The following BRD10 variants were observed in gnomAD, a reference collection of about 807,000 sequenced individuals.
BRD10 encodes the protein bromodomain containing 10, also known as uncharacterized bromodomain-containing protein 10.
the BRD10 span, among the ~76,000 whole-genome samples, chr9:5,993,312 TAAAAAAA>T: frequency 5.9e-4 from 69 of 116,686 alleles, no homozygotes; most frequent in African/African-American, 2.5e-3. Flanking sequence ...GAGACTCCAT[TAAAAAAA>T]AAAAAAAAAA....
At chr9:5,901,245 C>T in the BRD10 span, among the ~76,000 whole-genome samples, 1 of 152,046 alleles carries the variant, frequency 6.6e-6, no homozygotes, top group African/African-American at 2.4e-5. Flanking sequence ...TTATTTGCAA[C>T]TTCCAGTATG....
chr9:5,989,235 TAAAAAAAAAAAAAAA>T, the BRD10 span, among the ~76,000 whole-genome samples: 1 of 46,164 alleles, frequency 2.2e-5, no homozygotes, highest in East Asian at 7.6e-4. Flanking sequence ...TCTGTCTCAT[TAAAAAAAAAAAAAAA>T]AAAAAAAAAA....
At chr9:5,907,530 A>G in the BRD10 span, among the ~76,000 whole-genome samples, 2 of 152,262 alleles carry the variant, frequency 1.3e-5, no homozygotes, top group East Asian at 1.9e-4. Context: ...AAAAGAAGAT[A>G]AATGGTTCAT....
chr9:5,971,315 G>A, the BRD10 span, among the ~76,000 whole-genome samples: 1 of 152,122 alleles, frequency 6.6e-6, no homozygotes, highest in South Asian at 2.1e-4. Context: ...ACTGTAGGCA[G>A]TATAATTGCT....
chr9:5,917,206 G>C, the BRD10 span, among the ~76,000 whole-genome samples: 1 of 152,224 alleles, frequency 6.6e-6, no homozygotes, highest in Non-Finnish European at 1.5e-5. Flanking sequence ...GAAGTGCTAT[G>C]TTGTTCTCAG....
At chr9:5,980,627 G>C in the BRD10 span, among the ~76,000 whole-genome samples, 1 of 151,862 alleles carries the variant, frequency 6.6e-6, no homozygotes, top group Non-Finnish European at 1.5e-5. Flanking sequence ...AATTTCTGTA[G>C]ACCAGGGTTG....
chr9:5,879,763 T>C, the BRD10 span, among the ~76,000 whole-genome samples: 1 of 152,200 alleles, frequency 6.6e-6, no homozygotes, highest in Non-Finnish European at 1.5e-5. Flanking sequence ...TCAGCCTCTC[T>C]AGGTTCTAGC....
the BRD10 span, among the ~76,000 whole-genome samples, chr9:5,893,438 G>A: frequency 5.9e-5 from 9 of 152,172 alleles, no homozygotes; most frequent in African/African-American, 2.2e-4. Context: ...GTCAACCGCA[G>A]GGACCAGCAA....
the BRD10 span, chr9:5,967,918 T>C: frequency 5.6e-6 from 4 of 714,090 alleles, no homozygotes; most frequent in South Asian, 5.9e-5. Context: ...CATGCATACA[T>C]GTGCATTTTA....
the BRD10 span, among the ~76,000 whole-genome samples, chr9:5,993,754 G>A: frequency 2.0e-5 from 3 of 152,200 alleles, no homozygotes; most frequent in African/African-American, 7.2e-5. Flanking sequence ...CCAATCAGAA[G>A]TCAGAGGTCA....
the BRD10 span, among the ~76,000 whole-genome samples, chr9:5,998,362 C>CAATTCAACTATTTCCTTTAGATTTCCAT: frequency 4.6e-5 from 7 of 152,116 alleles, no homozygotes; most frequent in African/African-American, 1.7e-4. Flanking sequence ...ATATTAGTTA[C>CAATTCAACTATTTCCTTTAGATTTCCAT]AATTCAACTA....
the BRD10 span, among the ~76,000 whole-genome samples, chr9:5,966,455 C>CTTTTTT: frequency 2.7e-3 from 226 of 83,748 alleles, 10 homozygotes; most frequent in Non-Finnish European, 3.8e-3. Flanking sequence ...CTAACATTTC[C>CTTTTTT]TTTTTTTTTT....
chr9:5,932,542 ATAAG>A, the BRD10 span, among the ~76,000 whole-genome samples: 104 of 152,342 alleles, frequency 6.8e-4, 1 homozygote, highest in African/African-American at 2.3e-3. Flanking sequence ...AGTAGATATT[ATAAG>A]TAATACAGAG....
At chr9:6,007,885 G>T in the BRD10 span, 4 of 1,369,078 alleles carry the variant, frequency 2.9e-6, no homozygotes, top group Non-Finnish European at 3.7e-6. Context: ...GCCGCGGCGC[G>T]TAGCCCCCGC....
chr9:5,939,381 C>T, the BRD10 span, among the ~76,000 whole-genome samples: 116 of 152,282 alleles, frequency 7.6e-4, no homozygotes, highest in African/African-American at 2.6e-3. Context: ...GAACATATCA[C>T]ATCATATTTC....
At chr9:5,885,425 C>T in the BRD10 span, among the ~76,000 whole-genome samples, 1 of 151,570 alleles carries the variant, frequency 6.6e-6, no homozygotes. Context: ...GGCTGCAGTG[C>T]AATGGCTCGA....
At chr9:5,943,066 G>A in the BRD10 span, among the ~76,000 whole-genome samples, 2 of 151,928 alleles carry the variant, frequency 1.3e-5, no homozygotes, top group Admixed American at 6.6e-5. Context: ...TTGTAGAGAC[G>A]GGGTCTAGCT....
chr9:5,988,461 T>C, the BRD10 span: 9 of 1,613,552 alleles, frequency 5.6e-6, no homozygotes, highest in Non-Finnish European at 6.8e-6. Flanking sequence ...GACGCCTTGT[T>C]GAGGTACATG....
At chr9:5,937,769 C>A in the BRD10 span, among the ~76,000 whole-genome samples, 1 of 152,190 alleles carries the variant, frequency 6.6e-6, no homozygotes, top group Non-Finnish European at 1.5e-5. Flanking sequence ...TCAAGCCAAA[C>A]TGCAGTAAGT....
Sources: allele counts gnomAD v4.1 joint callset (sites outside exome capture counted in the v4.1 genomes callset), GRCh38; gene constraint gnomAD v4.1.1; transcripts MANE v1.5; gene names NCBI Gene and HGNC (gene_info 2026-07-23, HGNC 2026-07-21).